Variants in IGF1R observed in about 807,000 individuals in gnomAD.
IGF1R encodes insulin like growth factor 1 receptor, also known as insulin-like growth factor 1 receptor.
IGF1R carries 44 observed loss-of-function variants against 144.6 expected under a neutral mutation model. That is an observed-to-expected ratio of 0.30 (90% CI 0.24 to 0.39). The LOEUF (loss-of-function observed/expected upper bound fraction) is 0.39, where lower values mean the gene tolerates loss of function less well. Among genes scored for constraint, IGF1R ranks in the 10% least tolerant of loss-of-function variants. The probability of loss-of-function intolerance (pLI) is 1.00; values close to 1 mark genes in which losing one functional copy is unlikely to be tolerated. For missense variants in IGF1R, 1,355 were observed against 1,833.7 expected (o/e 0.74, Z 4.77); for synonymous variants, 795 against 722.8 (o/e 1.10, Z -1.60).
chr15:98,831,701 G>GT lies in IGF1R; in HGVS notation c.641-59623dup, dbSNP rs570498346. Among the ~76,000 whole-genome samples the GT allele has an allele frequency of 2.6e-5, 4 of 152,298 alleles. No homozygotes were observed. In the East Asian group the frequency reaches 7.7e-4, roughly 29 times the overall value. ...AAATGCTTTATTTATTGGTGAGAAG[G>GT]TATTGGGGGTGTAGGAGTAAATGAT... On this transcript the variant is annotated intron_variant, in intron 2 of 20. Coordinates refer to ENST00000650285, the MANE Select transcript of IGF1R (RefSeq NM_000875.5).
intron 2 of IGF1R, among the ~76,000 whole-genome samples, chr15:98,830,777 T>A (rs1289898433): frequency 6.6e-6 from 1 of 152,152 alleles, no homozygotes; most frequent in Non-Finnish European, 1.5e-5. Flanking sequence ...CTAATTTTTG[T>A]ATTTTTAGTA....
rs983729236 is a variant in IGF1R, at chr15:98,935,887, T to A, written c.3297+461T>A. 3.9e-5 allele frequency among the ~76,000 whole-genome samples: 6 copies of A among 152,166 alleles called. No homozygotes were observed. Among genetic ancestry groups the A allele is most frequent in the Admixed American group, 6.5e-5 (1 of 15,282 alleles). ...GGAGTGTGTCCCCCCTCCACCCCGT[T>A]GTGTTTAGCTTTTCATCTCAGTCCA... On this transcript the variant is annotated intron_variant, in intron 17 of 20. Transcript: ENST00000650285. This position sits in a 1 kb window ranked among gnomAD's most constrained non-coding sequence, Gnocchi z 4.2.
At chr15:98,921,584 C>T (rs188369203) in intron 10 of IGF1R, among the ~76,000 whole-genome samples, 1 of 151,924 alleles carries the variant, frequency 6.6e-6, no homozygotes, top group African/African-American at 2.4e-5. Context: ...GCAGCAGGAG[C>T]CCCCAAGAAG....
intron 2 of IGF1R, among the ~76,000 whole-genome samples, chr15:98,884,886 A>G (rs2013564222): frequency 6.6e-6 from 1 of 152,092 alleles, no homozygotes; most frequent in South Asian, 2.1e-4. Flanking sequence ...TTGCTGGATT[A>G]AAAGGCTGTT....
chr15:98,688,775 G>T (rs538564935), intron 1 of IGF1R, among the ~76,000 whole-genome samples: 3 of 152,096 alleles, frequency 2.0e-5, no homozygotes, highest in African/African-American at 7.2e-5. Flanking sequence ...TGGAAATGGC[G>T]TGCAAGCTCT....
At chr15:98,855,625 T>C (rs1317107206) in intron 2 of IGF1R, among the ~76,000 whole-genome samples, 1 of 152,204 alleles carries the variant, frequency 6.6e-6, no homozygotes, top group Non-Finnish European at 1.5e-5. Context: ...CAAATATTGA[T>C]CCAACAAAAA....
intron 1 of IGF1R, among the ~76,000 whole-genome samples, chr15:98,667,921 G>A (rs1363284642): frequency 1.3e-5 from 2 of 152,030 alleles, no homozygotes; most frequent in East Asian, 3.9e-4. Flanking sequence ...GAGAGGTGTT[G>A]CTCGTCCCTG....
At chr15:98,847,692 T>C (rs1359565231) in intron 2 of IGF1R, among the ~76,000 whole-genome samples, 1 of 152,248 alleles carries the variant, frequency 6.6e-6, no homozygotes, top group Non-Finnish European at 1.5e-5. Flanking sequence ...CTACTTCTAG[T>C]TCCAGAATCG....
intron 1 of IGF1R, among the ~76,000 whole-genome samples, chr15:98,693,022 G>A (rs533069081): frequency 2.6e-5 from 4 of 152,298 alleles, no homozygotes; most frequent in South Asian, 2.1e-4. Flanking sequence ...CCATTTGCCC[G>A]TGGTGTTGCC....
intron 2 of IGF1R, among the ~76,000 whole-genome samples, chr15:98,802,523 A>T (rs1232369787): frequency 2.0e-5 from 3 of 152,362 alleles, no homozygotes; most frequent in African/African-American, 7.2e-5. Flanking sequence ...AAAGAGATGC[A>T]AGCCAACAGC....
At position 98,929,544 on chromosome 15, in the gene IGF1R, C is replaced by T. The variant is rs754462434; in HGVS notation, c.2783-14C>T. 3.1e-6 allele frequency: 5 copies of T among 1,593,506 alleles called. No homozygotes were observed. Among genetic ancestry groups the T allele is most frequent in the Admixed American group, 1.7e-5 (1 of 59,980 alleles). On this transcript the variant is annotated splice_polypyrimidine_tract_variant and intron_variant, in intron 13 of 20. Transcript: ENST00000650285. Reference sequence around the variant, plus strand: ...ACCTGGTGATATTTTATCATTTCCTCCTCTTTGCTGCAGCAGGATATGAAA... The same window carrying T: ...ACCTGGTGATATTTTATCATTTCCTTCTCTTTGCTGCAGCAGGATATGAAA...
chr15:98,876,779 A>C (rs1249122392), intron 2 of IGF1R, among the ~76,000 whole-genome samples: 1 of 152,278 alleles, frequency 6.6e-6, no homozygotes, highest in Admixed American at 6.5e-5. Context: ...ACTGGTTCTC[A>C]TGAGGCTTAT....
chr15:98,683,755 G>T (rs1198852653), intron 1 of IGF1R, among the ~76,000 whole-genome samples: 1 of 152,106 alleles, frequency 6.6e-6, no homozygotes, highest in Non-Finnish European at 1.5e-5. Flanking sequence ...TTTTAAGTTG[G>T]GAAAGGAAGA....
chr15:98,725,393 T>C lies in IGF1R; in HGVS notation c.640+17286T>C, dbSNP rs147952230. ...TGTTGATGAAAGGGCATCTTTTTTT[T>C]CCCCTAATCTGTGGTTAGAACTCTC... On this transcript the variant is annotated intron_variant, in intron 2 of 20. Transcript: ENST00000650285. Among the ~76,000 whole-genome samples the C allele has an allele frequency of 2.6e-3, 390 of 152,326 alleles. 2 individuals carry two copies. The highest frequency in any genetic ancestry group is 8.4e-3 in the African/African-American group (351 of 41,562).
intron 2 of IGF1R, among the ~76,000 whole-genome samples, chr15:98,865,233 A>G (rs1456521820): frequency 1.3e-5 from 2 of 152,226 alleles, no homozygotes; most frequent in Admixed American, 1.3e-4. Flanking sequence ...TGCAGTTTCC[A>G]GATGAATGTT....
chr15:98,961,656 G>C lies in IGF1R; in HGVS notation c.*4214G>C, dbSNP rs991047486. The C allele has an allele frequency of 1.3e-5, 3 of 233,634 alleles. No individual in the cohort carries two copies. The highest frequency in any genetic ancestry group is 6.6e-5 in the African/African-American group (3 of 45,356). The allele number at this position is 233,634 out of a possible 1,614,324, so 14.5% of individuals were successfully genotyped here. On this transcript the variant is annotated 3_prime_UTR_variant, in exon 21 of 21. Transcript: ENST00000650285. ...AACCACTGAGGCACATCATGGAATT[G>C]ATGTGAGCATTAAGACGTTCTCCCA...
chr15:98,657,016 A>G (rs2052501545), intron 1 of IGF1R, among the ~76,000 whole-genome samples: 1 of 152,384 alleles, frequency 6.6e-6, no homozygotes. Flanking sequence ...TAAATATTTT[A>G]TAGAGCATAA....
chr15:98,649,457 T>G lies in IGF1R; in HGVS notation c.-125T>G. 1.3e-5 allele frequency: 9 copies of G among 682,886 alleles called. No individual in the cohort carries two copies. Among genetic ancestry groups the G allele is most frequent in the East Asian group, 3.0e-5 (1 of 33,404 alleles). The allele number at this position is 682,886 out of a possible 1,614,324, so 42.3% of individuals were successfully genotyped here. A position where few individuals can be genotyped will look rare whatever the true frequency, so the allele number is the denominator to read the frequency against. The stretch of plus-strand genomic sequence containing the variant: ...GGAGTATTGTTTCCTTCGCCCTTGT[T>G]TTTGGAGGGGGAGCGAAGACTGAGT... On this transcript the variant is annotated 5_prime_UTR_variant, in exon 1 of 21. Transcript: ENST00000650285.
chr15:98,729,124 A>G (rs540988586), intron 2 of IGF1R, among the ~76,000 whole-genome samples: 1 of 152,366 alleles, frequency 6.6e-6, no homozygotes, highest in South Asian at 2.1e-4. Context: ...AAAATACTGC[A>G]TTTTGAATTT....
Sources: allele counts gnomAD v4.1 joint callset (sites outside exome capture counted in the v4.1 genomes callset), GRCh38; gene constraint gnomAD v4.1.1; non-coding constraint Gnocchi (gnomAD v3.1); transcripts MANE v1.5; gene names NCBI Gene and HGNC (gene_info 2026-07-23, HGNC 2026-07-21).